The following KIF1A variants were observed in gnomAD, a reference collection of about 807,000 sequenced individuals.
The protein encoded by KIF1A is kinesin family member 1A.
Under a neutral mutation model 227.3 loss-of-function variants are expected in KIF1A, and 46 were observed. That is an observed-to-expected ratio of 0.20 (90% CI 0.16 to 0.26). KIF1A has a LOEUF of 0.26. Ranked by LOEUF, KIF1A falls within the 10% of genes least tolerant of loss-of-function variation. The pLI, the probability that KIF1A is intolerant of heterozygous loss-of-function variation, is 1.00. For synonymous variants in KIF1A, 1,022 were observed against 1,012.8 expected, an observed-to-expected ratio of 1.01 and a Z score of -0.17; for missense variants, 1,683 against 2,485.9, an observed-to-expected ratio of 0.68 and a Z score of 6.87.
intron 38 of KIF1A, chr2:240,734,653 G>A (rs1311943914): frequency 8.2e-7 from 1 of 1,221,516 alleles, no homozygotes; most frequent in East Asian, 5.7e-5. Flanking sequence ...GCGGTCAGGG[G>A]AGGAGCAGGG....
intron 27 of KIF1A, among the ~76,000 whole-genome samples, chr2:240,753,683 C>T (rs1004095816): frequency 2.6e-5 from 4 of 152,220 alleles, no homozygotes; most frequent in Admixed American, 6.5e-5. Context: ...CCCATCTCCT[C>T]GCCAGGGCAC....
Position 240,778,433 on chromosome 2 carries a change from C to T in KIF1A, c.883-2507G>A, listed in dbSNP as rs2053064564. On this transcript the variant is annotated intron_variant, in intron 10 of 48. Coordinates refer to ENST00000498729, the MANE Select transcript of KIF1A (RefSeq NM_001244008.2). The surrounding 1 kb of genome is among the most constrained non-coding windows in gnomAD (Gnocchi z 7.2). ...CACATTCCTCCAACATTTCCTAACA[C>T]GGCTCCCCACGGGAGGCCTCACACG... Among the ~76,000 whole-genome samples, 1 of 151,704 alleles carries T rather than the reference C, an allele frequency of 6.6e-6. No individual in the cohort carries two copies. Among genetic ancestry groups the T allele is most frequent in the Admixed American group, 6.6e-5 (1 of 15,246 alleles).
intron 34 of KIF1A, 75 bp downstream of exon 34, chr2:240,742,853 CG>C: frequency 7.6e-7 from 1 of 1,312,658 alleles, no homozygotes. Flanking sequence ...GCATTCACTG[CG>C]GGGGCCCAGC....
chr2:240,817,613 C>G (rs1432421152), intron 1 of KIF1A, among the ~76,000 whole-genome samples: 2 of 152,220 alleles, frequency 1.3e-5, no homozygotes, highest in African/African-American at 4.8e-5. Flanking sequence ...TCCCAATGAC[C>G]TAATGCTGGT....
At chr2:240,780,262 G>A (rs1171207388) in intron 10 of KIF1A, among the ~76,000 whole-genome samples, 2 of 151,618 alleles carry the variant, frequency 1.3e-5, no homozygotes, top group African/African-American at 4.9e-5. Flanking sequence ...GCTCCTCGGC[G>A]TCCCTCACAC....
chr2:240,719,730 A>G, intron 46 of KIF1A, 44 bp downstream of exon 46: 2 of 1,485,396 alleles, frequency 1.3e-6, no homozygotes, highest in Non-Finnish European at 1.8e-6. Flanking sequence ...GTCCCCTGTC[A>G]GCACAGAGCT....
chr2:240,719,949 G>T, intron 45 of KIF1A, 23 bp from the exon 46 acceptor site: 1 of 1,577,060 alleles, frequency 6.3e-7, no homozygotes, highest in South Asian at 1.2e-5. Flanking sequence ...GGGAAGTGCT[G>T]CCCACTGCAG....
rs1418444050 is a variant in KIF1A at position 240,744,046 on chromosome 2, C to T, written c.3480G>A (p.Val1160=). Residue 1160 remains valine, a synonymous_variant, in exon 33 of 49, where the codon GTG becomes GTA. Coordinates refer to ENST00000498729, the MANE Select transcript of KIF1A (RefSeq NM_001244008.2). ...TGATGTACTCAATGAAGGACTTGGT[C>T]ACCTCCACTGCGATCTGGTGGGCAG... ...FYHVQNIAVE[V]TKSFIEYIKS... is the part of the protein sequence containing the mutation. 2 of 1,613,126 alleles carry T rather than the reference C, an allele frequency of 1.2e-6. No individual in the cohort carries two copies. Among genetic ancestry groups the T allele is most frequent in the Admixed American group, 3.3e-5 (2 of 60,004 alleles).
rs1559528903 is a variant in KIF1A at position 240,786,331 on chromosome 2, C to T, written c.608+4G>A. The T allele has an allele frequency of 2.5e-6, 4 of 1,613,174 alleles. No individual in the cohort carries two copies. The highest frequency in any genetic ancestry group is 3.4e-6 in the Non-Finnish European group (4 of 1,179,616). On this transcript the variant is annotated splice_donor_region_variant and intron_variant, in intron 6 of 48. Coordinates refer to ENST00000498729, the MANE Select transcript of KIF1A (RefSeq NM_001244008.2). ...AGGGAGGTCCAGTGAGTCCCTCCACCCACCTGGCCTTGTTCCCTGAGTCCA... is the reference window on the plus strand; with the variant it reads ...AGGGAGGTCCAGTGAGTCCCTCCACTCACCTGGCCTTGTTCCCTGAGTCCA...
chr2:240,775,744 A>C lies in KIF1A; in HGVS notation c.958+107T>G, dbSNP rs2052642916. On this transcript the variant is annotated intron_variant, in intron 11 of 48. Coordinates refer to ENST00000498729, the MANE Select transcript of KIF1A (RefSeq NM_001244008.2). The surrounding 1 kb of genome is among the most constrained non-coding windows in gnomAD (Gnocchi z 5.5). ...GTTCACCTCCCAGCCTCAGCCCAGA[A>C]AGGGTGAGAGGCCTGCTGGCGACTG... 2.7e-5 allele frequency: 21 copies of C among 765,122 alleles called. No homozygotes were observed. The South Asian group carries it at 3.2e-4, about 12-fold the overall frequency. The allele number at this position is 765,122 out of a possible 1,614,324, so 47.4% of individuals were successfully genotyped here. A position where few individuals can be genotyped will look rare whatever the true frequency, so the allele number is the denominator to read the frequency against.
intron 1 of KIF1A, among the ~76,000 whole-genome samples, chr2:240,803,864 T>A (rs1238171315): frequency 6.6e-6 from 1 of 152,234 alleles, no homozygotes; most frequent in Non-Finnish European, 1.5e-5. Flanking sequence ...AGAATCATTT[T>A]AAAAAATCAT....
In KIF1A at chr2:240,768,162, G is replaced by A. The variant is rs541537616; in HGVS notation, c.1498-817C>T. On this transcript the variant is annotated intron_variant, in intron 17 of 48. Coordinates refer to ENST00000498729, the MANE Select transcript of KIF1A (RefSeq NM_001244008.2). ...TCCCCAGTGGTCCCACTTCTGGGCA[G>A]TGCCCAGACCCAGGGCAACCAATAA... Among the ~76,000 whole-genome samples the A allele has an allele frequency of 8.5e-5, 13 of 152,332 alleles. No individual in the cohort carries two copies. The South Asian group carries it at 2.7e-3, about 32-fold the overall frequency.
intron 43 of KIF1A, among the ~76,000 whole-genome samples, chr2:240,722,207 A>G (rs2045486590): frequency 6.6e-6 from 1 of 152,208 alleles, no homozygotes; most frequent in South Asian, 2.1e-4. Context: ...TGAGCTCCCC[A>G]TCAGCACAGG....
rs2051628954 is a variant in KIF1A at position 240,769,377 on chromosome 2, C to G, written c.1422-169G>C. On this transcript the variant is annotated intron_variant, in intron 16 of 48. Coordinates refer to ENST00000498729, the MANE Select transcript of KIF1A (RefSeq NM_001244008.2). ...AGGGCATCTGCTGATGGGACTGGCC[C>G]CTCTGCACCATGGTCAGGGATCAGG... 2.0e-5 allele frequency among the ~76,000 whole-genome samples: 3 copies of G among 152,250 alleles called. No individual in the cohort carries two copies. The South Asian group carries it at 6.2e-4, about 32-fold the overall frequency.
intron 1 of KIF1A, among the ~76,000 whole-genome samples, chr2:240,799,162 G>A (rs1223496899): frequency 1.3e-5 from 2 of 152,322 alleles, no homozygotes; most frequent in East Asian, 1.9e-4. Context: ...TCTGCAGAAG[G>A]AAAGGGGGCA....
chr2:240,735,754 C>CA (rs1559487098), intron 38 of KIF1A, among the ~76,000 whole-genome samples: 1 of 152,192 alleles, frequency 6.6e-6, no homozygotes. Flanking sequence ...GCAGGAGAAG[C>CA]AAGGCACGGG....
At chr2:240,779,718 T>TCAGTTCCTCACAGTTCCA (rs2053358879) in intron 10 of KIF1A, among the ~76,000 whole-genome samples, 1 of 148,810 alleles carries the variant, frequency 6.7e-6, no homozygotes, top group African/African-American at 2.6e-5. Flanking sequence ...TCACAGTTCC[T>TCAGTTCCTCACAGTTCCA]CACTCAGTTC....
intron 38 of KIF1A, among the ~76,000 whole-genome samples, chr2:240,732,032 G>GGATAAAGGGAGGAGA (rs2046713308): frequency 9.5e-6 from 1 of 104,986 alleles, no homozygotes; most frequent in Non-Finnish European, 2.0e-5. Context: ...AGGGGAGGAG[G>GGATAAAGGGAGGAGA]GAATGAGGGG....
intron 22 of KIF1A, 24 bp from the exon 23 acceptor site, chr2:240,762,836 T>C: frequency 6.4e-7 from 1 of 1,561,106 alleles, no homozygotes; most frequent in Non-Finnish European, 8.7e-7. Flanking sequence ...GGCCTGTGAC[T>C]CCACTACGGC....
Sources: allele counts gnomAD v4.1 joint callset (sites outside exome capture counted in the v4.1 genomes callset), GRCh38; gene constraint gnomAD v4.1.1; non-coding constraint Gnocchi (gnomAD v3.1); transcripts MANE v1.5; gene names NCBI Gene and HGNC (gene_info 2026-07-23, HGNC 2026-07-21).